RALYL: variants seen among roughly 807,000 people sequenced by gnomAD.
RALYL encodes RALY RNA binding protein like.
A neutral mutation model predicts 35.1 loss-of-function variants in RALYL; 29 were observed. The observed-to-expected ratio is 0.83, with a 90% CI of 0.61 to 1.13. The LOEUF (loss-of-function observed/expected upper bound fraction) is 1.13, where lower values mean the gene tolerates loss of function less well. Ranked by LOEUF, RALYL falls within the 50% of genes most tolerant of loss-of-function variation. RALYL has a pLI of 0.00. For missense variants in RALYL, 359 were observed against 360.4 expected (o/e 1.00, Z 0.03); for synonymous variants, 120 against 127.6 (o/e 0.94, Z 0.40).
At chr8:84,702,760 T>G (rs6997041) in intron 2 of RALYL, among the ~76,000 whole-genome samples, 44,316 of 151,960 alleles carry the variant, frequency 0.29, 7,175 homozygotes, top group African/African-American at 0.43. Flanking sequence ...CTTCCATCAA[T>G]AAATGAAAGG....
chr8:84,392,818 T>A (rs1353858530), intron 1 of RALYL, among the ~76,000 whole-genome samples: 2 of 152,068 alleles, frequency 1.3e-5, no homozygotes, highest in Non-Finnish European at 2.9e-5. Context: ...TTGGGCTATT[T>A]TACTTGTAAT....
intron 1 of RALYL, among the ~76,000 whole-genome samples, chr8:84,489,967 A>G (rs538342447): frequency 7.4e-4 from 112 of 152,118 alleles, no homozygotes; most frequent in Middle Eastern, 3.4e-3. Flanking sequence ...CAGAAATAAA[A>G]GTTTTTCTAA....
chr8:84,425,141 C>G (rs891184971), intron 1 of RALYL, among the ~76,000 whole-genome samples: 1 of 152,194 alleles, frequency 6.6e-6, no homozygotes, highest in Non-Finnish European at 1.5e-5. Context: ...GGACGCCCCT[C>G]CCCCAGCCTC....
intron 2 of RALYL, among the ~76,000 whole-genome samples, chr8:84,753,129 T>A (rs765559801): frequency 4.6e-5 from 7 of 152,206 alleles, no homozygotes; most frequent in African/African-American, 1.4e-4. Flanking sequence ...GTACCCTGAA[T>A]GTGGGACATG....
chr8:84,588,928 C>T (rs571950729), intron 2 of RALYL, among the ~76,000 whole-genome samples: 30 of 151,650 alleles, frequency 2.0e-4, no homozygotes, highest in African/African-American at 6.0e-4. Context: ...CATGGAGTTT[C>T]GCTCTTGTTG....
chr8:84,386,445 C>A (rs990387704), intron 1 of RALYL, among the ~76,000 whole-genome samples: 1 of 151,648 alleles, frequency 6.6e-6, no homozygotes, highest in Non-Finnish European at 1.5e-5. Flanking sequence ...AAATTGGGAA[C>A]GTTTGACTTT....
At chr8:84,624,645 C>A (rs1822324183) in intron 2 of RALYL, among the ~76,000 whole-genome samples, 1 of 152,176 alleles carries the variant, frequency 6.6e-6, no homozygotes, top group South Asian at 2.1e-4. Context: ...TCTGCAAAGG[C>A]CTCTTTTTGT....
At chr8:84,696,956 C>T (rs372098983) in intron 2 of RALYL, among the ~76,000 whole-genome samples, 9 of 151,902 alleles carry the variant, frequency 5.9e-5, no homozygotes, top group East Asian at 3.9e-4. Context: ...TGCCCTTGGG[C>T]TATGTAATGC....
At chr8:84,274,912 C>T (rs755129656) in intron 1 of RALYL, among the ~76,000 whole-genome samples, 6 of 151,884 alleles carry the variant, frequency 4.0e-5, no homozygotes, top group Non-Finnish European at 8.8e-5. Context: ...TGAAAAAATC[C>T]CAGAGTTATA....
chr8:84,638,889 T>A (rs1588678329), intron 2 of RALYL, among the ~76,000 whole-genome samples: 1 of 45,748 alleles, frequency 2.2e-5, no homozygotes, highest in Non-Finnish European at 6.1e-5. Context: ...TATATATATA[T>A]ATATATATAT....
intron 2 of RALYL, among the ~76,000 whole-genome samples, chr8:84,667,439 C>A (rs1167571073): frequency 6.6e-6 from 1 of 151,988 alleles, no homozygotes; most frequent in African/African-American, 2.4e-5. Context: ...CCATAATTTT[C>A]TATGAAGAGA....
chr8:84,729,150 T>C (rs1415818913), intron 2 of RALYL, among the ~76,000 whole-genome samples: 1 of 152,120 alleles, frequency 6.6e-6, no homozygotes, highest in Non-Finnish European at 1.5e-5. Flanking sequence ...TTTTATTTCA[T>C]TGAGCAGTGG....
chr8:84,444,372 C>T (rs182687840), intron 1 of RALYL, among the ~76,000 whole-genome samples: 18 of 151,912 alleles, frequency 1.2e-4, no homozygotes, highest in African/African-American at 3.4e-4. Context: ...TGAAAAAAAA[C>T]ACCACACACA....
At chr8:84,261,667 A>T (rs1832335997) in intron 1 of RALYL, among the ~76,000 whole-genome samples, 1 of 152,150 alleles carries the variant, frequency 6.6e-6, no homozygotes, top group Non-Finnish European at 1.5e-5. Flanking sequence ...ACTATTTTGA[A>T]ATCTGAATAT....
chr8:84,766,207 C>A (rs755958370), intron 2 of RALYL, among the ~76,000 whole-genome samples: 44 of 152,064 alleles, frequency 2.9e-4, no homozygotes, highest in Non-Finnish European at 5.3e-4. Flanking sequence ...TAGAGGAGCT[C>A]TGATTTGCTG....
At chr8:84,674,889 G>A (rs546349813) in intron 2 of RALYL, among the ~76,000 whole-genome samples, 7 of 151,932 alleles carry the variant, frequency 4.6e-5, no homozygotes, top group African/African-American at 1.7e-4. Context: ...AGTAAGCACA[G>A]TTTGAGTTAA....
At chr8:84,833,186 T>C (rs868635906) in intron 4 of RALYL, among the ~76,000 whole-genome samples, 6 of 152,326 alleles carry the variant, frequency 3.9e-5, no homozygotes, top group South Asian at 2.1e-4. Flanking sequence ...GCCATCCTAA[T>C]TTTCTTCATC....
intron 2 of RALYL, among the ~76,000 whole-genome samples, chr8:84,624,512 A>G (rs184079739): frequency 4.6e-5 from 7 of 152,204 alleles, no homozygotes; most frequent in African/African-American, 1.4e-4. Context: ...CTATGGTCAT[A>G]TCTTCCTCTG....
intron 1 of RALYL, among the ~76,000 whole-genome samples, chr8:84,221,437 C>T (rs1822187168): frequency 6.6e-6 from 1 of 151,960 alleles, no homozygotes; most frequent in East Asian, 1.9e-4. Flanking sequence ...AGCATATCAG[C>T]ATAGTATGAC....
Sources: allele counts gnomAD v4.1 joint callset (sites outside exome capture counted in the v4.1 genomes callset), GRCh38; gene constraint gnomAD v4.1.1; transcripts MANE v1.5; gene names NCBI Gene and HGNC (gene_info 2026-07-23, HGNC 2026-07-21).